RBFOX1: variants seen among roughly 807,000 people sequenced by gnomAD.
RBFOX1 encodes RNA binding protein fox-1 homolog 1.
A neutral mutation model predicts 57.7 loss-of-function variants in RBFOX1; 8 were observed. That is an observed-to-expected ratio of 0.14 (90% CI 0.08 to 0.25). The LOEUF is 0.25. Among genes scored for constraint, RBFOX1 ranks in the 10% least tolerant of loss-of-function variants. The pLI is 1.00. For synonymous variants in RBFOX1, 326 were observed against 222.4 expected, an observed-to-expected ratio of 1.47 and a Z score of -4.15; for missense variants, 611 against 548.5, an observed-to-expected ratio of 1.11 and a Z score of -1.14.
intron 4 of RBFOX1, among the ~76,000 whole-genome samples, chr16:7,118,562 C>G (rs930607280): frequency 3.3e-5 from 5 of 152,070 alleles, no homozygotes; most frequent in South Asian, 2.1e-4. Flanking sequence ...GCCACCTGTG[C>G]CCCCAAAGCT....
At chr16:5,801,862 A>T (rs2055067879) in intron 3 of RBFOX1, among the ~76,000 whole-genome samples, 1 of 152,140 alleles carries the variant, frequency 6.6e-6, no homozygotes, top group African/African-American at 2.4e-5. Flanking sequence ...TTTGCTGGTT[A>T]TGGAAGTTGT....
intron 2 of RBFOX1, among the ~76,000 whole-genome samples, chr16:6,462,654 C>T (rs1029673905): frequency 6.6e-6 from 1 of 152,112 alleles, no homozygotes. Context: ...TTAGTAAAAG[C>T]TCACCAATTT....
intron 4 of RBFOX1, among the ~76,000 whole-genome samples, chr16:7,285,254 C>G (rs1269725327): frequency 2.0e-5 from 3 of 151,890 alleles, no homozygotes; most frequent in Non-Finnish European, 4.4e-5. Flanking sequence ...CCAATGTACC[C>G]TTTACACAGT....
At chr16:6,971,504 G>A (rs1001479292) in intron 3 of RBFOX1, among the ~76,000 whole-genome samples, 3 of 122,268 alleles carry the variant, frequency 2.5e-5, no homozygotes, top group Admixed American at 1.6e-4. Context: ...GAGAGAGAGA[G>A]AGTTGGTGTG....
intron 3 of RBFOX1, among the ~76,000 whole-genome samples, chr16:6,967,240 C>T (rs529661596): frequency 1.3e-5 from 2 of 152,134 alleles, no homozygotes; most frequent in Admixed American, 6.5e-5. Flanking sequence ...TTTATACATT[C>T]ATCTACCATC....
At chr16:7,702,810 C>T (rs929690217) in intron 14 of RBFOX1, among the ~76,000 whole-genome samples, 1 of 152,200 alleles carries the variant, frequency 6.6e-6, no homozygotes, top group African/African-American at 2.4e-5. Flanking sequence ...ATACCAGCAA[C>T]AATGCAAACC....
chr16:6,724,644 T>C (rs1024337074), intron 3 of RBFOX1, among the ~76,000 whole-genome samples: 3 of 152,214 alleles, frequency 2.0e-5, no homozygotes, highest in Admixed American at 6.5e-5. Context: ...CTGTGGAATT[T>C]TGTTATAGCA....
intron 3 of RBFOX1, among the ~76,000 whole-genome samples, chr16:6,872,506 C>T (rs1174958616): frequency 1.3e-5 from 2 of 152,112 alleles, no homozygotes; most frequent in Admixed American, 6.6e-5. Context: ...TCCCTGAATT[C>T]CCTATGATTT....
intron 4 of RBFOX1, among the ~76,000 whole-genome samples, chr16:7,307,063 T>C (rs980793704): frequency 3.3e-5 from 5 of 152,240 alleles, no homozygotes; most frequent in African/African-American, 1.2e-4. Flanking sequence ...TTTTATTTTA[T>C]AATTGTTTAG....
At chr16:7,559,469 C>T (rs954893151) in intron 5 of RBFOX1, among the ~76,000 whole-genome samples, 1 of 152,150 alleles carries the variant, frequency 6.6e-6, no homozygotes, top group Non-Finnish European at 1.5e-5. Context: ...ACCCCAACCC[C>T]ATCTGCCTTA....
intron 3 of RBFOX1, among the ~76,000 whole-genome samples, chr16:7,045,963 A>G (rs1413496161): frequency 2.0e-5 from 3 of 152,098 alleles, no homozygotes; most frequent in Non-Finnish European, 4.4e-5. Context: ...CGGCCAAGAT[A>G]AACTTTTTAT....
At chr16:6,551,791 C>G (rs1004347823) in intron 2 of RBFOX1, among the ~76,000 whole-genome samples, 2 of 152,192 alleles carry the variant, frequency 1.3e-5, no homozygotes, top group African/African-American at 4.8e-5. Context: ...ACCGGGACGT[C>G]AGAGCTACTG....
chr16:6,417,243 C>T lies in RBFOX1; in HGVS notation c.-64+100186C>T, dbSNP rs1427458816. Among the ~76,000 whole-genome samples the T allele has an allele frequency of 2.0e-5, 3 of 151,994 alleles. No homozygotes were observed. In the East Asian group the frequency reaches 5.8e-4, roughly 30 times the overall value. On this transcript the variant is annotated intron_variant, in intron 2 of 15. Transcript: ENST00000550418. ...GCCAGGCTGGTCTCGAACTCCTAAC[C>T]TCATGATCCACCCACCTTGGCTGTG...
intron 2 of RBFOX1, among the ~76,000 whole-genome samples, chr16:6,620,027 A>G (rs1000741100): frequency 1.3e-5 from 2 of 152,198 alleles, no homozygotes; most frequent in African/African-American, 4.8e-5. Context: ...TGTTCCTGCA[A>G]AGGACATAAT....
intron 3 of RBFOX1, among the ~76,000 whole-genome samples, chr16:5,759,698 C>G (rs747813658): frequency 6.6e-5 from 10 of 152,174 alleles, no homozygotes; most frequent in Non-Finnish European, 1.3e-4. Context: ...TTCCCACAAG[C>G]CTCTCGGTCT....
At chr16:5,905,822 A>G (rs2058442909) in intron 4 of RBFOX1, among the ~76,000 whole-genome samples, 2 of 152,194 alleles carry the variant, frequency 1.3e-5, no homozygotes, top group African/African-American at 4.8e-5. Context: ...ATCCACTCCC[A>G]AGCCCCAGCA....
chr16:6,261,091 G>A (rs1183036418), intron 1 of RBFOX1, among the ~76,000 whole-genome samples: 1 of 152,082 alleles, frequency 6.6e-6, no homozygotes, highest in African/African-American at 2.4e-5. Context: ...TGCACAAGAG[G>A]GAGAAATTAC....
At chr16:7,538,784 T>G (rs1181900421) in intron 5 of RBFOX1, among the ~76,000 whole-genome samples, 1 of 152,146 alleles carries the variant, frequency 6.6e-6, no homozygotes, top group Admixed American at 6.5e-5. Flanking sequence ...GGGGAGTAAG[T>G]TCCAAGGTTT....
At chr16:6,123,737 T>C (rs1284943670) in intron 1 of RBFOX1, among the ~76,000 whole-genome samples, 1 of 152,014 alleles carries the variant, frequency 6.6e-6, no homozygotes, top group Non-Finnish European at 1.5e-5. Context: ...AAATCCCGTC[T>C]TTACAAAATA....
Sources: allele counts gnomAD v4.1 joint callset (sites outside exome capture counted in the v4.1 genomes callset), GRCh38; gene constraint gnomAD v4.1.1; transcripts MANE v1.5; gene names NCBI Gene and HGNC (gene_info 2026-07-23, HGNC 2026-07-21).